AUTS2: variants seen among roughly 807,000 people sequenced by gnomAD.
AUTS2 encodes the protein autism susceptibility gene 2 protein.
In AUTS2, 17 loss-of-function variants were observed where a neutral mutation model predicts 112.4. The observed-to-expected ratio is 0.15, with a 90% CI of 0.10 to 0.23. AUTS2 has a LOEUF of 0.23. AUTS2 is among the 10% of genes least tolerant of loss of function. The pLI is 1.00. For synonymous variants in AUTS2, 751 were observed against 702.7 expected (o/e 1.07, Z -1.09); for missense variants, 1,510 against 1,701.6 (o/e 0.89, Z 1.98).
intron 2 of AUTS2, among the ~76,000 whole-genome samples, chr7:70,104,886 A>G (rs142450646): frequency 4.8e-4 from 73 of 151,978 alleles, no homozygotes; most frequent in African/African-American, 1.5e-3. Flanking sequence ...CCATGGTGTG[A>G]TGAGAATCTA....
In AUTS2 at chr7:69,797,586, C is replaced by T. The variant is rs148086972; in HGVS notation, c.310-101700C>T. 3.2e-3 allele frequency among the ~76,000 whole-genome samples: 482 copies of T among 152,252 alleles called. 2 individuals carry two copies. The highest frequency in any genetic ancestry group is 0.01 in the Middle Eastern group (3 of 294). On this transcript the variant is annotated intron_variant, in intron 1 of 18. Transcript: ENST00000342771. ...GGTCTTGTGAATAGAAAGGAAGAGCCTGCGCTTGGAGGCCACTGGGAATTT... is the reference window on the plus strand; with the variant it reads ...GGTCTTGTGAATAGAAAGGAAGAGCTTGCGCTTGGAGGCCACTGGGAATTT...
In AUTS2 at chr7:70,680,583, CA is replaced by C. The variant is rs1808158563; in HGVS notation, c.691-17983del. ...ATTTCCATGCCTCCTCATGCACCCC[CA>C]AACTCAGCTGGTCATTTTGCAAATG... On this transcript the variant is annotated intron_variant, in intron 5 of 18. Transcript: ENST00000342771. Among the ~76,000 whole-genome samples, 3 of 152,290 alleles carry C rather than the reference CA, an allele frequency of 2.0e-5. No homozygotes were observed. In the South Asian group the frequency reaches 6.2e-4, roughly 32 times the overall value.
At chr7:69,767,460 G>T (rs1454499692) in intron 1 of AUTS2, among the ~76,000 whole-genome samples, 1 of 152,162 alleles carries the variant, frequency 6.6e-6, no homozygotes, top group East Asian at 1.9e-4. Context: ...TTATAGAGAC[G>T]TGAGCCACCA....
chr7:69,638,887 G>T (rs2533442), intron 1 of AUTS2, among the ~76,000 whole-genome samples: 5 of 152,028 alleles, frequency 3.3e-5, no homozygotes, highest in African/African-American at 1.2e-4. Flanking sequence ...TGACAGTGGG[G>T]CACAGAGGTG....
intron 1 of AUTS2, among the ~76,000 whole-genome samples, chr7:69,622,897 A>T (rs1793742333): frequency 1.3e-5 from 2 of 152,200 alleles, no homozygotes; most frequent in African/African-American, 2.4e-5. Context: ...CAGCCTCCTA[A>T]GTAGTTGGGA....
At chr7:70,118,990 AT>A (rs397889485) in intron 3 of AUTS2, 23,693 of 118,690 alleles carry the variant, frequency 0.2, 1,490 homozygotes, top group Middle Eastern at 0.24. Context: ...ATATATCAGC[AT>A]TTTTTTTTTT....
intron 1 of AUTS2, among the ~76,000 whole-genome samples, chr7:69,707,832 A>G (rs567285910): frequency 2.0e-5 from 3 of 152,236 alleles, no homozygotes; most frequent in Non-Finnish European, 4.4e-5. Context: ...TATTAGGGAC[A>G]TTTTAACCCC....
At chr7:69,978,329 A>G (rs188007580) in intron 2 of AUTS2, among the ~76,000 whole-genome samples, 1 of 152,320 alleles carries the variant, frequency 6.6e-6, no homozygotes, top group African/African-American at 2.4e-5. Context: ...TTTCCAGGCA[A>G]TTTTGACAAT....
chr7:69,991,682 T>TA (rs1240576242), intron 2 of AUTS2, among the ~76,000 whole-genome samples: 1 of 152,180 alleles, frequency 6.6e-6, no homozygotes, highest in Non-Finnish European at 1.5e-5. Context: ...AAATGCTATA[T>TA]GGTATGATAA....
rs182894609 is a variant in AUTS2, at chr7:69,977,931, A to G, written c.522+78433A>G. Among the ~76,000 whole-genome samples the G allele has an allele frequency of 1.8e-3, 268 of 152,216 alleles. 3 individuals are homozygous for G. The highest frequency in any genetic ancestry group is 0.017 in the Admixed American group (254 of 15,286). ...TCTTTTCACTTTTCAGAGTCTGTTT[A>G]TATTTATTTTATGTATAATGTTGAG... is the stretch of plus-strand genomic sequence containing the variant. On this transcript the variant is annotated intron_variant, in intron 2 of 18. Coordinates refer to ENST00000342771, the MANE Select transcript of AUTS2 (RefSeq NM_015570.4).
intron 2 of AUTS2, among the ~76,000 whole-genome samples, chr7:69,976,600 G>A (rs1798070330): frequency 6.6e-6 from 1 of 152,200 alleles, no homozygotes; most frequent in Non-Finnish European, 1.5e-5. Context: ...TAGTGCACAA[G>A]TGTTCTAATT....
chr7:70,682,771 C>T (rs1808275433), intron 5 of AUTS2, among the ~76,000 whole-genome samples: 2 of 152,264 alleles, frequency 1.3e-5, no homozygotes, highest in African/African-American at 4.8e-5. Flanking sequence ...CACATGGCAT[C>T]TGCTAAGGCA....
chr7:70,721,279 C>CGCGTGT (rs1786649719), intron 6 of AUTS2, among the ~76,000 whole-genome samples: 1 of 140,052 alleles, frequency 7.1e-6, no homozygotes, highest in Non-Finnish European at 1.5e-5. Flanking sequence ...GAATTTCATT[C>CGCGTGT]GTGTGTGTGT....
chr7:69,713,502 C>T (rs941951555), intron 1 of AUTS2, among the ~76,000 whole-genome samples: 2 of 150,340 alleles, frequency 1.3e-5, no homozygotes, highest in Admixed American at 6.6e-5. Context: ...CTCTTCTTGC[C>T]CAGGCTGGAG....
intron 4 of AUTS2, among the ~76,000 whole-genome samples, chr7:70,137,297 G>T (rs950096845): frequency 6.6e-6 from 1 of 151,992 alleles, no homozygotes; most frequent in African/African-American, 2.4e-5. Context: ...TGAATAATGT[G>T]GGTGTTATAC....
intron 3 of AUTS2, among the ~76,000 whole-genome samples, chr7:70,123,609 T>C (rs1438266820): frequency 6.6e-6 from 1 of 152,266 alleles, no homozygotes; most frequent in Admixed American, 6.5e-5. Context: ...TATTTGGTTT[T>C]CTGTTCCTAC....
intron 4 of AUTS2, among the ~76,000 whole-genome samples, chr7:70,301,847 C>T (rs1789231060): frequency 6.6e-6 from 1 of 152,110 alleles, no homozygotes; most frequent in African/African-American, 2.4e-5. Context: ...CAACTTCTGC[C>T]TCCCAGGCTC....
chr7:70,601,455 G>T (rs1201185459), intron 5 of AUTS2, among the ~76,000 whole-genome samples: 2 of 152,150 alleles, frequency 1.3e-5, no homozygotes, highest in Non-Finnish European at 2.9e-5. Flanking sequence ...ACAACCTGTG[G>T]CCATTACCCA....
chr7:70,222,651 TA>T (rs1367262755), intron 4 of AUTS2, among the ~76,000 whole-genome samples: 1 of 152,042 alleles, frequency 6.6e-6, no homozygotes, highest in Non-Finnish European at 1.5e-5. Context: ...CAAAAGACTT[TA>T]AGTTCTCTGC....
Sources: gnomAD v4.1 joint callset for allele counts (sites outside exome capture counted in the v4.1 genomes callset) on GRCh38, gnomAD v4.1.1 for gene constraint, MANE v1.5 for transcripts, NCBI Gene and HGNC (gene_info 2026-07-23, HGNC 2026-07-21) for gene names.